Variants in SNX24 observed in about 807,000 individuals in gnomAD.
SNX24 encodes sorting nexin-24.
Under a neutral mutation model 28.7 loss-of-function variants are expected in SNX24, and 22 were observed. That is an observed-to-expected ratio of 0.77 (90% CI 0.55 to 1.10). SNX24 has a LOEUF of 1.10. Ranked by LOEUF, SNX24 falls within the 50% of genes least tolerant of loss-of-function variation. The pLI is 0.00. For synonymous variants in SNX24, 69 were observed against 71.5 expected, an observed-to-expected ratio of 0.96 and a Z score of 0.18; for missense variants, 221 against 201.1, an observed-to-expected ratio of 1.10 and a Z score of -0.60.
At chr5:122,999,847 G>T (rs958321766) in intron 3 of SNX24, 65 bp from the exon 4 acceptor site, 2 of 945,250 alleles carry the variant, frequency 2.1e-6, no homozygotes, top group South Asian at 2.6e-5. Context: ...TTTTGAAATA[G>T]TTCATTTGAT....
chr5:123,005,469 C>T (rs1762391161), intron 6 of SNX24, among the ~76,000 whole-genome samples: 1 of 152,222 alleles, frequency 6.6e-6, no homozygotes, highest in South Asian at 2.1e-4. Flanking sequence ...GTATTTTTCT[C>T]CTTGCCCTGT....
At chr5:123,025,771 T>C in intron 5 of SNX24, 1 of 1,607,582 alleles carries the variant, frequency 6.2e-7, no homozygotes, top group Non-Finnish European at 8.5e-7. Flanking sequence ...AGGAAAAAAA[T>C]GTATCAATTT....
intron 1 of SNX24, among the ~76,000 whole-genome samples, chr5:122,921,192 C>T (rs556726871): frequency 7.4e-4 from 112 of 152,092 alleles, no homozygotes; most frequent in Non-Finnish European, 1.2e-3. Flanking sequence ...CTTTCCTACT[C>T]TCCGCTGTGT....
At chr5:122,899,365 T>G (rs934862260) in intron 1 of SNX24, among the ~76,000 whole-genome samples, 1 of 152,216 alleles carries the variant, frequency 6.6e-6, no homozygotes, top group African/African-American at 2.4e-5. Context: ...CAGAAAAAAT[T>G]AGTTCAACAT....
At chr5:123,025,020 A>G (rs552441050) in intron 5 of SNX24, among the ~76,000 whole-genome samples, 64 of 152,342 alleles carry the variant, frequency 4.2e-4, no homozygotes, top group African/African-American at 1.5e-3. Context: ...CCAACAGTAT[A>G]GATTCAAATT....
At chr5:122,889,190 T>A (rs1271559980) in intron 1 of SNX24, among the ~76,000 whole-genome samples, 1 of 152,168 alleles carries the variant, frequency 6.6e-6, no homozygotes, top group Non-Finnish European at 1.5e-5. Context: ...TGAAATAATT[T>A]TAAGTGTACC....
rs552679434 is a variant in SNX24, at chr5:122,967,361, C to T, written c.249+21202C>T. ...TACATCAGTTTTCCTCAGTAGACAA[C>T]GTGGTAGCAACCACACTGAAATTGC... is the stretch of plus-strand genomic sequence containing the variant. On this transcript the variant is annotated intron_variant, in intron 3 of 6. Coordinates refer to ENST00000261369, the MANE Select transcript of SNX24 (RefSeq NM_014035.4). 2.8e-4 allele frequency among the ~76,000 whole-genome samples: 43 copies of T among 152,250 alleles called. 1 individual carries two copies. The highest frequency in any genetic ancestry group is 1.0e-3 in the South Asian group (5 of 4,816).
chr5:123,023,831 C>T (rs566741336), intron 5 of SNX24: 2 of 1,606,818 alleles, frequency 1.2e-6, no homozygotes, highest in African/African-American at 2.7e-5. Context: ...CACACACACA[C>T]ACACACCCCT....
At chr5:122,956,750 C>G (rs1760234781) in intron 3 of SNX24, among the ~76,000 whole-genome samples, 1 of 152,024 alleles carries the variant, frequency 6.6e-6, no homozygotes, top group South Asian at 2.1e-4. Flanking sequence ...GGTGGTATCT[C>G]CCTGTAGTTT....
At chr5:122,853,577 C>T in intron 1 of SNX24, 1 of 264,902 alleles carries the variant, frequency 3.8e-6, no homozygotes, top group South Asian at 3.5e-5. Context: ...TTTGGGGGCA[C>T]AAGCAAGCTT....
Position 122,860,321 on chromosome 5 carries a change from A to T in SNX24, c.60+14628A>T, listed in dbSNP as rs554277501. On this transcript the variant is annotated intron_variant, in intron 1 of 6. Coordinates refer to ENST00000261369, the MANE Select transcript of SNX24 (RefSeq NM_014035.4). ...CCGCTTAGATAGGAATTTGGGCAAG[A>T]TAAAAAAAAATCAGAGTTTAGTCCT... Among the ~76,000 whole-genome samples, 571 of 103,272 alleles carry T rather than the reference A, an allele frequency of 5.5e-3. 4 individuals are homozygous for T. The highest frequency in any genetic ancestry group is 0.023 in the African/African-American group (532 of 23,088). The allele number at this position is 103,272 out of a possible 152,430, so 67.8% of individuals were successfully genotyped here.
At chr5:122,889,020 T>C (rs999168363) in intron 1 of SNX24, among the ~76,000 whole-genome samples, 5 of 152,082 alleles carry the variant, frequency 3.3e-5, no homozygotes, top group African/African-American at 1.2e-4. Context: ...GCCTGGCTAA[T>C]TTTTGTATTT....
intron 3 of SNX24, among the ~76,000 whole-genome samples, chr5:122,973,760 C>T (rs1761052842): frequency 2.0e-5 from 3 of 152,186 alleles, no homozygotes; most frequent in African/African-American, 4.8e-5. Flanking sequence ...GTCAAGCGTT[C>T]AGTTTCTACA....
intron 1 of SNX24, among the ~76,000 whole-genome samples, chr5:122,920,927 T>C (rs1421055255): frequency 6.6e-6 from 1 of 152,210 alleles, no homozygotes; most frequent in African/African-American, 2.4e-5. Flanking sequence ...TATCTCACTA[T>C]GCTGCACAGG....
intron 1 of SNX24, among the ~76,000 whole-genome samples, chr5:122,866,688 T>C (rs1755735403): frequency 6.6e-6 from 1 of 152,168 alleles, no homozygotes; most frequent in Non-Finnish European, 1.5e-5. Flanking sequence ...AGACAGGAGA[T>C]CCTTACCTCT....
At chr5:122,960,281 G>A (rs1274616938) in intron 3 of SNX24, among the ~76,000 whole-genome samples, 2 of 152,144 alleles carry the variant, frequency 1.3e-5, no homozygotes, top group Non-Finnish European at 2.9e-5. Flanking sequence ...TTATCACCAT[G>A]TGATGTTTTC....
intron 1 of SNX24, among the ~76,000 whole-genome samples, chr5:122,889,598 TATATATATACACAC>T (rs1756861403): frequency 1.7e-5 from 2 of 120,638 alleles, no homozygotes; most frequent in Non-Finnish European, 3.3e-5. Context: ...TGTATGTGTA[TATATATATACACAC>T]ATATATATAT....
chr5:122,907,180 C>T (rs1757678900), intron 1 of SNX24, among the ~76,000 whole-genome samples: 1 of 152,130 alleles, frequency 6.6e-6, no homozygotes, highest in Non-Finnish European at 1.5e-5. Context: ...AAACCTTAAA[C>T]AAGAAATGTA....
chr5:122,865,239 T>G (rs577608798), intron 1 of SNX24, among the ~76,000 whole-genome samples: 1 of 152,376 alleles, frequency 6.6e-6, no homozygotes, highest in South Asian at 2.1e-4. Flanking sequence ...CCTATCAACT[T>G]GGTATTCATA....
Sources: gnomAD v4.1 joint callset for allele counts (sites outside exome capture counted in the v4.1 genomes callset) on GRCh38, gnomAD v4.1.1 for gene constraint, MANE v1.5 for transcripts, NCBI Gene and HGNC (gene_info 2026-07-23, HGNC 2026-07-21) for gene names.